Variants in RAB25 observed in about 807,000 individuals in gnomAD.
RAB25 encodes RAB25, member RAS oncogene family.
Under a neutral mutation model 25.2 loss-of-function variants are expected in RAB25, and 23 were observed. That is an observed-to-expected ratio of 0.91 (90% confidence interval 0.66 to 1.29). The LOEUF is 1.29. RAB25 is among the 50% of genes most tolerant of loss of function. The pLI is 0.00. For missense variants in RAB25, 244 were observed against 277.3 expected, an observed-to-expected ratio of 0.88 and a Z score of 0.85; for synonymous variants, 102 against 111.5, an observed-to-expected ratio of 0.91 and a Z score of 0.54.
At chr1:156,063,052 TAAA>T (rs1158919173) in intron 1 of RAB25, among the ~76,000 whole-genome samples, 2 of 67,918 alleles carry the variant, frequency 2.9e-5, no homozygotes, top group African/African-American at 1.1e-4. Flanking sequence ...AGACTCTGTC[TAAA>T]AAAAAAAAAA....
At chr1:156,068,122 G>A (rs1647795882) in intron 2 of RAB25, 148 bp from the exon 3 acceptor site, 2 of 700,704 alleles carry the variant, frequency 2.9e-6, no homozygotes, top group Admixed American at 4.7e-5. Flanking sequence ...GGGCTGCTCT[G>A]TTGGGTTCTG....
chr1:156,066,894 C>T (rs907214031), intron 2 of RAB25, among the ~76,000 whole-genome samples: 2 of 151,890 alleles, frequency 1.3e-5, no homozygotes, highest in Non-Finnish European at 2.9e-5. Flanking sequence ...GAGCCGAAAT[C>T]GCCCCACTGC....
chr1:156,061,669 C>T (rs1432395200), intron 1 of RAB25, among the ~76,000 whole-genome samples: 1 of 152,152 alleles, frequency 6.6e-6, no homozygotes, highest in Non-Finnish European at 1.5e-5. Context: ...GATGTTGATT[C>T]CTCCTTAAGA....
chr1:156,063,199 G>A (rs908074056), intron 1 of RAB25, among the ~76,000 whole-genome samples: 9 of 151,600 alleles, frequency 5.9e-5, no homozygotes, highest in African/African-American at 1.7e-4. Context: ...GCAGTGGAGC[G>A]ATCTTGGCTC....
At chr1:156,065,457 C>G (rs1647715692) in intron 1 of RAB25, among the ~76,000 whole-genome samples, 1 of 152,166 alleles carries the variant, frequency 6.6e-6, no homozygotes, top group African/African-American at 2.4e-5. Flanking sequence ...CAAACACACA[C>G]ACACCAAACC....
chr1:156,061,347 C>T lies in RAB25; in HGVS notation c.-54C>T, dbSNP rs1647573497. On this transcript the variant is annotated 5_prime_UTR_variant, in exon 1 of 5. Transcript: ENST00000361084. Reference sequence around the variant, plus strand: ...GGGTTGAGGGCATTGAGCCAACACACAGATTTGTCGCCTCTGTCCCCGAAG... The same window carrying T: ...GGGTTGAGGGCATTGAGCCAACACATAGATTTGTCGCCTCTGTCCCCGAAG... The T allele has an allele frequency of 6.4e-7, 1 of 1,570,304 alleles. No individual in the cohort carries two copies. Among genetic ancestry groups the T allele is most frequent in the African/African-American group, 1.4e-5 (1 of 73,970 alleles).
intron 1 of RAB25, among the ~76,000 whole-genome samples, chr1:156,063,820 G>A (rs527668082): frequency 6.6e-6 from 1 of 152,354 alleles, no homozygotes; most frequent in East Asian, 1.9e-4. Flanking sequence ...CGCCTTGTCT[G>A]TAAAAACAGG....
intron 3 of RAB25, 85 bp downstream of exon 3, chr1:156,068,548 T>C (rs1647820392): frequency 1.5e-6 from 2 of 1,369,780 alleles, no homozygotes; most frequent in Non-Finnish European, 2.0e-6. Flanking sequence ...CCCCCACCCA[T>C]AGAGCCCCTA....
At position 156,064,133 on chromosome 1, in the gene RAB25, T is replaced by TATACACACACAC; in HGVS notation, c.44-1776_44-1765dup. Among the ~76,000 whole-genome samples the TATACACACACAC allele has an allele frequency of 2.0e-5, 3 of 151,882 alleles. No homozygotes were observed. In the Middle Eastern group the frequency reaches 0.01, roughly 517 times the overall value. On this transcript the variant is annotated intron_variant, in intron 1 of 4. Coordinates refer to ENST00000361084, the MANE Select transcript of RAB25 (RefSeq NM_020387.4). The stretch of plus-strand genomic sequence containing the variant: ...GGAGAGGCAGGAACACACACACACA[T>TATACACACACAC]ATACACACACACACACGCATACACA...
chr1:156,065,360 C>A (rs557905045), intron 1 of RAB25, among the ~76,000 whole-genome samples: 1 of 152,276 alleles, frequency 6.6e-6, no homozygotes, highest in Admixed American at 6.5e-5. Flanking sequence ...CACACATGAG[C>A]ACACATGCCT....
chr1:156,066,260 A>T (rs1198793403), intron 2 of RAB25, 154 bp downstream of exon 2: 1 of 643,872 alleles, frequency 1.6e-6, no homozygotes, highest in Non-Finnish European at 2.5e-6. Context: ...AAGGTACTGT[A>T]AACAGAAACA....
In RAB25 at chr1:156,069,657, T is replaced by TC. The variant is rs558136209; in HGVS notation, c.434-11dup. 1.8e-4 allele frequency: 279 copies of TC among 1,588,270 alleles called. No individual in the cohort carries two copies. The East Asian group carries it at 5.7e-3, about 32-fold the overall frequency. On this transcript the variant is annotated splice_polypyrimidine_tract_variant and intron_variant, in intron 3 of 4. Coordinates refer to ENST00000361084, the MANE Select transcript of RAB25 (RefSeq NM_020387.4). Reference sequence around the variant, plus strand: ...TGACTCCCACAATTAATGGTGTGTTTCCCTTCCTGGCAGAAAACAATGGAC... The same window carrying TC: ...TGACTCCCACAATTAATGGTGTGTTTCCCCTTCCTGGCAGAAAACAATGGAC...
intron 1 of RAB25, among the ~76,000 whole-genome samples, chr1:156,063,712 T>C (rs1647660784): frequency 6.6e-6 from 1 of 152,226 alleles, no homozygotes; most frequent in African/African-American, 2.4e-5. Flanking sequence ...TCCCTGCAGC[T>C]TGGGGCAAGT....
rs1056077427 is a variant in RAB25 at position 156,065,912 on chromosome 1, G to A, written c.45G>A (p.Val15=). The A allele has an allele frequency of 3.8e-6, 6 of 1,592,388 alleles. No individual in the cohort carries two copies. The highest frequency in any genetic ancestry group is 1.1e-5 in the South Asian group (1 of 88,036). Residue 15 remains valine (V), a splice_region_variant and synonymous_variant, in exon 2 of 5, where the codon GTG becomes GTA. Coordinates refer to ENST00000361084, the MANE Select transcript of RAB25 (RefSeq NM_020387.4). ...GCCCTTATCTCTCCACTCCTTCAGT[G>A]GTGCTGATCGGCGAATCAGGTGTGG... is the stretch of plus-strand genomic sequence containing the variant. The part of the protein sequence containing the change: ...TEEDYNFVFK[V]VLIGESGVGK...
At chr1:156,069,585 T>C in intron 3 of RAB25, 86 bp from the exon 4 acceptor site, 1 of 1,093,082 alleles carries the variant, frequency 9.1e-7, no homozygotes, top group Non-Finnish European at 1.4e-6. Flanking sequence ...GTTTAGCACA[T>C]GGCAAATGTA....
Position 156,070,404 on chromosome 1 carries a change from A to T in RAB25, c.*117A>T. 5.1e-6 allele frequency: 7 copies of T among 1,368,628 alleles called. No individual in the cohort carries two copies. The highest frequency in any genetic ancestry group is 5.0e-6 in the Non-Finnish European group (5 of 1,006,446). The allele number at this position is 1,368,628 out of a possible 1,614,324, so 84.8% of individuals were successfully genotyped here. A position where few individuals can be genotyped will look rare whatever the true frequency, so the allele number is the denominator to read the frequency against. On this transcript the variant is annotated 3_prime_UTR_variant, in exon 5 of 5. Transcript: ENST00000361084. ...TATCAGACTGTTCCCTGTTCACAGC[A>T]CCCTCAGGGTCTTAAGGTCTTCATG...
At chr1:156,064,135 T>C (rs533569275) in intron 1 of RAB25, among the ~76,000 whole-genome samples, 1 of 151,564 alleles carries the variant, frequency 6.6e-6, no homozygotes, top group Admixed American at 6.6e-5. Context: ...CACACACATA[T>C]ACACACACAC....
intron 1 of RAB25, among the ~76,000 whole-genome samples, chr1:156,064,006 C>T (rs1334116539): frequency 6.6e-6 from 1 of 152,218 alleles, no homozygotes; most frequent in Non-Finnish European, 1.5e-5. Flanking sequence ...CAAAAGGCCA[C>T]AAAGTCTGAC....
chr1:156,069,544 T>A, intron 3 of RAB25, 127 bp from the exon 4 acceptor site: 2 of 752,860 alleles, frequency 2.7e-6, no homozygotes, highest in Non-Finnish European at 4.5e-6. Context: ...TAAGTTGTTT[T>A]AAGGATTAAA....
Sources: gnomAD v4.1 joint callset for allele counts (sites outside exome capture counted in the v4.1 genomes callset) on GRCh38, gnomAD v4.1.1 for gene constraint, MANE v1.5 for transcripts, NCBI Gene and HGNC (gene_info 2026-07-23, HGNC 2026-07-21) for gene names.